CTNNA2: variants seen among roughly 807,000 people sequenced by gnomAD.
CTNNA2 encodes the protein catenin alpha 2, also known as catenin alpha-2.
CTNNA2 carries 42 observed loss-of-function variants against 101.0 expected under a neutral mutation model. The ratio of observed to expected loss-of-function variants is 0.42; its 90% confidence interval spans 0.32 to 0.54. CTNNA2 has a LOEUF of 0.54. Ranked by LOEUF, CTNNA2 falls within the 20% of genes least tolerant of loss-of-function variation. The probability of loss-of-function intolerance (pLI) is 0.14; values close to 1 mark genes in which losing one functional copy is unlikely to be tolerated. For missense variants in CTNNA2, 871 were observed against 1,223.1 expected, an observed-to-expected ratio of 0.71 and a Z score of 4.29; for synonymous variants, 450 against 456.4, an observed-to-expected ratio of 0.99 and a Z score of 0.18.
chr2:79,601,188 G>A (rs1677531685), intron 1 of CTNNA2, among the ~76,000 whole-genome samples: 1 of 152,166 alleles, frequency 6.6e-6, no homozygotes, highest in South Asian at 2.1e-4. Flanking sequence ...TACATTTCCA[G>A]GAGGTACGTT....
intron 7 of CTNNA2, among the ~76,000 whole-genome samples, chr2:79,924,244 C>T (rs56155905): frequency 1.3e-5 from 2 of 151,940 alleles, no homozygotes; most frequent in African/African-American, 4.8e-5. Context: ...TCACCTTTCT[C>T]TTTTCTTTAT....
At chr2:80,089,501 C>T (rs1012560381) in intron 7 of CTNNA2, among the ~76,000 whole-genome samples, 1 of 151,912 alleles carries the variant, frequency 6.6e-6, no homozygotes, top group Non-Finnish European at 1.5e-5. Context: ...CTCTCTCTTC[C>T]TTCCAACCAA....
rs751210708 is a variant in CTNNA2, at chr2:79,874,207, C to T, written c.717C>T (p.Asn239=). 9 of 1,614,144 alleles carry T rather than the reference C, an allele frequency of 5.6e-6. No individual in the cohort carries two copies. The highest frequency in any genetic ancestry group is 7.6e-6 in the Non-Finnish European group (9 of 1,180,040). Residue 239 remains asparagine (N), a synonymous_variant, in exon 6 of 19, where the codon AAC becomes AAT. Transcript: ENST00000402739. ...RHPDVAATRA[N]RDYVFKQVQE... is the part of the protein sequence containing the mutation. ...CAGATGTCGCCGCTACGAGAGCCAA[C>T]CGAGATTATGTGTTCAAACAAGTCC...
Position 80,604,115 on chromosome 2 carries a change from C to G in CTNNA2, c.2231C>G (p.Ala744Gly). 6.2e-7 allele frequency: 1 copy of G among 1,613,116 alleles called. No homozygotes were observed. Among genetic ancestry groups the G allele is most frequent in the Non-Finnish European group, 8.5e-7 (1 of 1,179,432 alleles). Reference sequence around the variant, plus strand: ...AAAAATACATCTGATGTCATTAATGCTGCCAAGAAAATTGCCGAAGCAGGT... The same window carrying G: ...AAAAATACATCTGATGTCATTAATGGTGCCAAGAAAATTGCCGAAGCAGGT... ...PLKNTSDVIN[A>G]AKKIAEAGSR... Residue 744 changes from alanine (A) to glycine (G), a missense_variant, in exon 16 of 19, where the codon GCT (alanine) becomes GGT (glycine). Physicochemically the swap from Ala to Gly is moderately conservative, Grantham distance 60. This residue lies in a region of CTNNA2 where 93 missense variants were observed against 223.7 expected (regional missense o/e 0.42). Transcript: ENST00000402739.
chr2:80,107,147 G>A (rs558321554), intron 7 of CTNNA2, among the ~76,000 whole-genome samples: 16 of 152,250 alleles, frequency 1.1e-4, no homozygotes, highest in Admixed American at 4.6e-4. Context: ...GCCGTAAAGC[G>A]TGAAACCCAT....
chr2:79,607,118 T>C (rs1677944668), intron 1 of CTNNA2, among the ~76,000 whole-genome samples: 1 of 151,922 alleles, frequency 6.6e-6, no homozygotes, highest in South Asian at 2.1e-4. Flanking sequence ...CAAAGGAAAA[T>C]TGGAATGACT....
intron 15 of CTNNA2, among the ~76,000 whole-genome samples, chr2:80,591,206 T>G (rs183138013): frequency 6.6e-6 from 1 of 152,248 alleles, no homozygotes; most frequent in East Asian, 1.9e-4. Context: ...CAAAGTATAG[T>G]TTTAAAAGTG....
chr2:79,275,287 C>T (rs1480750205), intron 2 of CTNNA2, among the ~76,000 whole-genome samples: 1 of 151,940 alleles, frequency 6.6e-6, no homozygotes, highest in Non-Finnish European at 1.5e-5. Context: ...GGTAGGGGCA[C>T]TAAGACCCCG....
Position 80,647,594 on chromosome 2 carries a change from G to A in CTNNA2, c.2584G>A (p.Ala862Thr), listed in dbSNP as rs1317478845. The change falls in exon 19 of 19, where the codon GCC (alanine) becomes ACC (threonine). Residue 862 changes from alanine to threonine, a missense_variant. Ala to Thr is a moderately conservative substitution (Grantham distance 58). Around this residue, in one of 5 missense-constraint regions of CTNNA2, gnomAD observed 25 missense variants for 69.5 expected, o/e 0.36. Transcript: ENST00000402739. ...GSSDSSMLDS[A>T]TSLIQAAKNL... ...TCTTTTCCTACTCTAGCTGGACAGT[G>A]CCACATCGCTTATCCAGGCAGCTAA... 6.2e-7 allele frequency: 1 copy of A among 1,611,498 alleles called. No individual in the cohort carries two copies.
intron 7 of CTNNA2, among the ~76,000 whole-genome samples, chr2:80,250,206 T>A (rs866603443): frequency 0.031 from 3,400 of 110,668 alleles, 38 homozygotes; most frequent in East Asian, 0.053. Flanking sequence ...AGAGAGAGAG[T>A]GTGTGTGTGT....
chr2:79,541,457 T>TATAC (rs1558713566), intron 1 of CTNNA2, among the ~76,000 whole-genome samples: 1 of 138,552 alleles, frequency 7.2e-6, no homozygotes, highest in African/African-American at 2.6e-5. Flanking sequence ...TATATATATA[T>TATAC]ACACTCATAT....
intron 1 of CTNNA2, among the ~76,000 whole-genome samples, chr2:79,600,854 G>C (rs1471087472): frequency 6.6e-6 from 1 of 151,968 alleles, no homozygotes; most frequent in Admixed American, 6.6e-5. Context: ...CACGCAACAG[G>C]GAGCAGAGAG....
At chr2:79,258,373 A>G (rs1674875559) in intron 2 of CTNNA2, among the ~76,000 whole-genome samples, 1 of 152,228 alleles carries the variant, frequency 6.6e-6, no homozygotes, top group Admixed American at 6.5e-5. Flanking sequence ...CCTGCTAAAC[A>G]GAGCTACCTG....
At chr2:80,081,884 C>A (rs921984868) in intron 7 of CTNNA2, among the ~76,000 whole-genome samples, 3 of 152,046 alleles carry the variant, frequency 2.0e-5, no homozygotes, top group Non-Finnish European at 2.9e-5. Context: ...ATAATTAATA[C>A]CAAATCCATA....
chr2:79,708,233 C>T (rs1307674112), intron 2 of CTNNA2, among the ~76,000 whole-genome samples: 2 of 152,098 alleles, frequency 1.3e-5, no homozygotes, highest in African/African-American at 2.4e-5. Flanking sequence ...TTCAAGTTGC[C>T]CTTCTGAAAG....
intron 9 of CTNNA2, among the ~76,000 whole-genome samples, chr2:80,442,177 C>T (rs1438753223): frequency 6.6e-6 from 1 of 152,222 alleles, no homozygotes; most frequent in Non-Finnish European, 1.5e-5. Context: ...ATCTCAAGCT[C>T]AGCCTTTCTA....
intron 13 of CTNNA2, chr2:80,579,234 TAA>T (rs1027945032): frequency 6.6e-6 from 1 of 152,194 alleles, no homozygotes; most frequent in Non-Finnish European, 1.5e-5. Context: ...GTCTCTTGAA[TAA>T]AAACTCATCA....
intron 7 of CTNNA2, among the ~76,000 whole-genome samples, chr2:80,091,365 A>G (rs1164418064): frequency 6.6e-6 from 1 of 152,078 alleles, no homozygotes; most frequent in African/African-American, 2.4e-5. Context: ...GAAAAGACAT[A>G]ATTAGTTTTC....
intron 3 of CTNNA2, among the ~76,000 whole-genome samples, chr2:79,318,114 A>AG (rs1268077517): frequency 6.6e-6 from 1 of 152,108 alleles, no homozygotes; most frequent in African/African-American, 2.4e-5. Flanking sequence ...TTGTAAAAAA[A>AG]ATTCTACCAA....
Sources: gnomAD v4.1 joint callset for allele counts (sites outside exome capture counted in the v4.1 genomes callset) on GRCh38, gnomAD v4.1.1 for gene constraint, gnomAD v4.1.1 regional missense constraint, MANE v1.5 for transcripts, NCBI Gene and HGNC (gene_info 2026-07-23, HGNC 2026-07-21) for gene names.